The following TIAM2 variants were observed in gnomAD, a reference collection of about 807,000 sequenced individuals.
TIAM2 encodes rho guanine nucleotide exchange factor TIAM2.
In TIAM2, 80 loss-of-function variants were observed where a neutral mutation model predicts 152.9. The ratio of observed to expected loss-of-function variants is 0.52; its 90% confidence interval spans 0.44 to 0.63. The LOEUF is 0.63. Ranked by LOEUF, TIAM2 falls within the 30% of genes least tolerant of loss-of-function variation. The pLI is 0.00. For synonymous variants in TIAM2, 804 were observed against 838.0 expected (o/e 0.96, Z 0.70); for missense variants, 1,965 against 2,120.1 (o/e 0.93, Z 1.44).
At chr6:155,080,864 G>T (rs1305657711) in intron 1 of TIAM2, among the ~76,000 whole-genome samples, 1 of 152,096 alleles carries the variant, frequency 6.6e-6, no homozygotes, top group African/African-American at 2.4e-5. Context: ...CCCAGTCTTG[G>T]GATGAACCTG....
chr6:155,152,064 G>A (rs938082790), intron 7 of TIAM2, among the ~76,000 whole-genome samples: 1 of 151,844 alleles, frequency 6.6e-6, no homozygotes, highest in African/African-American at 2.4e-5. Context: ...GGCTGGTCTC[G>A]AACTCTGACC....
intron 2 of TIAM2, among the ~76,000 whole-genome samples, chr6:155,099,220 ATGTGTGTGTGTGTGTGTG>A (rs34269926): frequency 1.2e-4 from 18 of 148,298 alleles, no homozygotes; most frequent in African/African-American, 2.3e-4. Context: ...GTATATATAT[ATGTGTGTGTGTGTGTGTG>A]TGTGTGTGTG....
chr6:155,238,131 C>A (rs1482410134), intron 15 of TIAM2, among the ~76,000 whole-genome samples: 1 of 152,168 alleles, frequency 6.6e-6, no homozygotes, highest in East Asian at 1.9e-4. Context: ...TCCCAGATAC[C>A]TTAAATCATC....
At chr6:155,152,120 G>A (rs575092066) in intron 7 of TIAM2, among the ~76,000 whole-genome samples, 1 of 152,252 alleles carries the variant, frequency 6.6e-6, no homozygotes, top group South Asian at 2.1e-4. Context: ...TGGGATTACA[G>A]GTGTAAGCCA....
intron 1 of TIAM2, among the ~76,000 whole-genome samples, chr6:155,014,867 C>T (rs1778546999): frequency 6.6e-6 from 1 of 152,074 alleles, no homozygotes; most frequent in Admixed American, 6.5e-5. Context: ...AAAAGAATTT[C>T]CTTTAGGCTA....
intron 1 of TIAM2, among the ~76,000 whole-genome samples, chr6:154,998,321 A>G (rs974465142): frequency 6.6e-6 from 1 of 152,226 alleles, no homozygotes; most frequent in African/African-American, 2.4e-5. Flanking sequence ...GTATATAAGA[A>G]TTTAAGCCAT....
intron 1 of TIAM2, among the ~76,000 whole-genome samples, chr6:155,018,538 G>C (rs1244830613): frequency 6.6e-6 from 1 of 151,136 alleles, no homozygotes. Context: ...AGAATTGCTT[G>C]AACCAGGGGG....
intron 15 of TIAM2, among the ~76,000 whole-genome samples, chr6:155,237,937 CTT>C (rs976367683): frequency 5.3e-5 from 8 of 152,144 alleles, no homozygotes; most frequent in African/African-American, 1.9e-4. Flanking sequence ...TTCAGTCCCT[CTT>C]TACTTATGCA....
intron 20 of TIAM2, 23 bp downstream of exon 20, chr6:155,248,202 G>GGGCGAGGGCCTGCACAGGGC: frequency 6.2e-7 from 1 of 1,607,810 alleles, no homozygotes; most frequent in Non-Finnish European, 8.5e-7. Flanking sequence ...CGGCACCTCC[G>GGGCGAGGGCCTGCACAGGGC]GGCGAGGGCC....
intron 1 of TIAM2, among the ~76,000 whole-genome samples, chr6:155,030,060 T>C (rs1397391008): frequency 6.6e-6 from 1 of 152,186 alleles, no homozygotes; most frequent in Non-Finnish European, 1.5e-5. Flanking sequence ...CCCAGAGTGC[T>C]GGGATTACAG....
At chr6:155,220,892 T>C (rs1170517889) in intron 15 of TIAM2, among the ~76,000 whole-genome samples, 1 of 152,030 alleles carries the variant, frequency 6.6e-6, no homozygotes, top group Non-Finnish European at 1.5e-5. Flanking sequence ...CTTAGGTATT[T>C]CTCCTGACGC....
intron 2 of TIAM2, among the ~76,000 whole-genome samples, chr6:155,124,430 A>G (rs770323328): frequency 1.3e-5 from 2 of 152,148 alleles, no homozygotes; most frequent in Non-Finnish European, 1.5e-5. Flanking sequence ...TCTGGCGTTT[A>G]AGTGATTCTC....
At chr6:155,049,449 T>C (rs1777274049) in intron 1 of TIAM2, among the ~76,000 whole-genome samples, 1 of 152,146 alleles carries the variant, frequency 6.6e-6, no homozygotes, top group Non-Finnish European at 1.5e-5. Context: ...GTTTTCCTAA[T>C]TTTTGCCCAC....
chr6:155,126,983 G>GC (rs1235848482), intron 2 of TIAM2, among the ~76,000 whole-genome samples: 1 of 152,080 alleles, frequency 6.6e-6, no homozygotes, highest in Non-Finnish European at 1.5e-5. Flanking sequence ...GGGACCTCTT[G>GC]CCCCTGCTAA....
At chr6:155,191,752 G>A (rs1433438538) in intron 14 of TIAM2, among the ~76,000 whole-genome samples, 3 of 151,876 alleles carry the variant, frequency 2.0e-5, no homozygotes, top group Non-Finnish European at 2.9e-5. Flanking sequence ...CCAAGATTGC[G>A]CCACTGCATT....
chr6:155,080,428 G>A (rs892622051), intron 1 of TIAM2, among the ~76,000 whole-genome samples: 8 of 151,578 alleles, frequency 5.3e-5, no homozygotes, highest in African/African-American at 1.9e-4. Context: ...TTTAGGTAAA[G>A]CAACATGGCA....
rs1778196015 is a variant in TIAM2, at chr6:154,995,431, G to C, written c.-270G>C. The C allele has an allele frequency of 1.3e-5, 2 of 151,066 alleles. No individual in the cohort carries two copies. Among genetic ancestry groups the C allele is most frequent in the African/African-American group, 4.8e-5 (2 of 41,338 alleles). 9.4% of individuals were successfully genotyped at this position (151,066 alleles called of 1,614,324 possible). A position where few individuals can be genotyped will look rare whatever the true frequency, so the allele number is the denominator to read the frequency against. On this transcript the variant is annotated 5_prime_UTR_variant, in exon 1 of 27. Coordinates refer to ENST00000682666, the MANE Select transcript of TIAM2 (RefSeq NM_012454.4). The surrounding 1 kb of genome is among the most constrained non-coding windows in gnomAD (Gnocchi z 5.2). ...CTCCCGGCGTTCCCGCGAGGGCCAC[G>C]CGCCGAGGGTAGCGGAGGGCGGCGC... is the stretch of plus-strand genomic sequence containing the variant.
intron 2 of TIAM2, chr6:155,122,222 C>T (rs944365514): frequency 1.3e-5 from 2 of 152,218 alleles, no homozygotes; most frequent in Admixed American, 1.3e-4. Flanking sequence ...TTACTGATCA[C>T]ACTTTTAAGA....
At chr6:155,185,446 A>T (rs978409884) in intron 14 of TIAM2, among the ~76,000 whole-genome samples, 24 of 150,990 alleles carry the variant, frequency 1.6e-4, no homozygotes, top group East Asian at 1.2e-3. Flanking sequence ...TTCTTTTTAA[A>T]TTTTTTTTTA....
Sources: allele counts gnomAD v4.1 joint callset (sites outside exome capture counted in the v4.1 genomes callset), GRCh38; gene constraint gnomAD v4.1.1; non-coding constraint Gnocchi (gnomAD v3.1); transcripts MANE v1.5; gene names NCBI Gene and HGNC (gene_info 2026-07-23, HGNC 2026-07-21).